HNRNPC: variants seen among roughly 807,000 people sequenced by gnomAD.
HNRNPC encodes heterogeneous nuclear ribonucleoprotein C, also known as heterogeneous nuclear ribonucleoproteins C1/C2.
In HNRNPC, 3 loss-of-function variants were observed where a neutral mutation model predicts 33.2. That is an observed-to-expected ratio of 0.09 (90% CI 0.04 to 0.23). The LOEUF (loss-of-function observed/expected upper bound fraction) is 0.23, where lower values mean the gene tolerates loss of function less well. Among genes scored for constraint, HNRNPC ranks in the 10% least tolerant of loss-of-function variants. HNRNPC has a pLI of 1.00. For synonymous variants in HNRNPC, 121 were observed against 126.7 expected (o/e 0.96, Z 0.30); for missense variants, 143 against 366.7 (o/e 0.39, Z 4.98).
At chr14:21,212,247 G>GT (rs1445587818) in intron 6 of HNRNPC, among the ~76,000 whole-genome samples, 1 of 151,992 alleles carries the variant, frequency 6.6e-6, no homozygotes, top group African/African-American at 2.4e-5. Context: ...GATCCCCAGG[G>GT]TCTTAGCCTC....
intron 1 of HNRNPC, chr14:21,265,241 TAC>T (rs1187247542): frequency 3.3e-5 from 5 of 152,296 alleles, no homozygotes; most frequent in South Asian, 2.1e-4. Context: ...GTTTATGAAA[TAC>T]AGTTATGGTG....
chr14:21,253,039 TG>T, intron 2 of HNRNPC, among the ~76,000 whole-genome samples: 1 of 149,338 alleles, frequency 6.7e-6, no homozygotes, highest in Non-Finnish European at 1.5e-5. Flanking sequence ...CCGGGCGTGG[TG>T]GAGCGTAACT....
In HNRNPC at chr14:21,239,061, T is replaced by G. The variant is rs574851735; in HGVS notation, c.-36-4832A>C. ...AGAATCGCTTGAACATGGGAGGAGG[T>G]TGCAGTGAGCCGAGATCGTGCTAAT... On this transcript the variant is annotated intron_variant, in intron 2 of 8. Coordinates refer to ENST00000553300, the MANE Select transcript of HNRNPC (RefSeq NM_004500.4). Among the ~76,000 whole-genome samples, 2 of 146,026 alleles carry G rather than the reference T, an allele frequency of 1.4e-5. 1 individual carries two copies.
chr14:21,221,858 A>T (rs1446855717), intron 5 of HNRNPC, among the ~76,000 whole-genome samples: 1 of 151,846 alleles, frequency 6.6e-6, no homozygotes, highest in Non-Finnish European at 1.5e-5. Context: ...CCATCCTGGC[A>T]AACATGGTGA....
At chr14:21,235,518 A>T (rs1421014977) in intron 2 of HNRNPC, among the ~76,000 whole-genome samples, 1 of 152,174 alleles carries the variant, frequency 6.6e-6, no homozygotes, top group African/African-American at 2.4e-5. Flanking sequence ...CTTCCTTCCA[A>T]ATCTTTCTGA....
chr14:21,230,641 T>G (rs1232362988), intron 4 of HNRNPC: 1 of 506,388 alleles, frequency 2.0e-6, no homozygotes, highest in Non-Finnish European at 3.5e-6. Context: ...AATGGTAAAC[T>G]AAGCATTCTT....
intron 5 of HNRNPC, among the ~76,000 whole-genome samples, chr14:21,226,906 G>GA (rs1893527034): frequency 1.6e-5 from 2 of 127,196 alleles, no homozygotes; most frequent in Non-Finnish European, 3.3e-5. Flanking sequence ...GGGGGGGGGG[G>GA]GACAGTGATT....
chr14:21,251,284 A>AAAG (rs1896642296), intron 2 of HNRNPC, among the ~76,000 whole-genome samples: 1 of 149,782 alleles, frequency 6.7e-6, no homozygotes, highest in Non-Finnish European at 1.5e-5. Flanking sequence ...AAAAAAAAAA[A>AAAG]GACTTCATTT....
chr14:21,248,726 T>C (rs1259334714), intron 2 of HNRNPC, among the ~76,000 whole-genome samples: 1 of 152,346 alleles, frequency 6.6e-6, no homozygotes, highest in East Asian at 1.9e-4. Context: ...ACATTTTTAA[T>C]TACAGTGTCT....
At chr14:21,223,462 A>G (rs770374681) in intron 5 of HNRNPC, among the ~76,000 whole-genome samples, 1 of 152,162 alleles carries the variant, frequency 6.6e-6, no homozygotes, top group Non-Finnish European at 1.5e-5. Flanking sequence ...GCAAAATTTA[A>G]GTCCAGCCAG....
intron 5 of HNRNPC, among the ~76,000 whole-genome samples, chr14:21,218,071 A>G (rs1205712161): frequency 6.6e-6 from 1 of 152,116 alleles, no homozygotes; most frequent in Non-Finnish European, 1.5e-5. Flanking sequence ...TTTCTTGTTT[A>G]TATGCCTCAG....
intron 2 of HNRNPC, among the ~76,000 whole-genome samples, chr14:21,256,845 G>C (rs1278725779): frequency 6.6e-6 from 1 of 152,000 alleles, no homozygotes; most frequent in African/African-American, 2.4e-5. Context: ...GAAGAGACAG[G>C]GTTTCACCAT....
chr14:21,226,023 T>C (rs1176577720), intron 5 of HNRNPC, among the ~76,000 whole-genome samples: 1 of 152,054 alleles, frequency 6.6e-6, no homozygotes, highest in Non-Finnish European at 1.5e-5. Context: ...ATTATAAGAA[T>C]AGTGCCAGGT....
chr14:21,220,957 C>T (rs186264379), intron 5 of HNRNPC, among the ~76,000 whole-genome samples: 5 of 152,130 alleles, frequency 3.3e-5, no homozygotes, highest in East Asian at 1.9e-4. Flanking sequence ...TATGGTGGCG[C>T]GCCGGTATTC....
chr14:21,268,427 C>A (rs1373083545), intron 1 of HNRNPC, among the ~76,000 whole-genome samples: 3 of 152,128 alleles, frequency 2.0e-5, no homozygotes, highest in Non-Finnish European at 4.4e-5. Flanking sequence ...TGGTTTCCGT[C>A]ATCAGGTTCT....
chr14:21,227,430 GAAC>G (rs1469612641), intron 5 of HNRNPC, among the ~76,000 whole-genome samples: 1 of 152,196 alleles, frequency 6.6e-6, no homozygotes, highest in Non-Finnish European at 1.5e-5. Flanking sequence ...GCTGACGTTA[GAAC>G]AATAGAAGAC....
intron 2 of HNRNPC, among the ~76,000 whole-genome samples, chr14:21,248,000 A>T (rs1038966801): frequency 9.1e-6 from 1 of 109,942 alleles, no homozygotes; most frequent in African/African-American, 2.6e-5. Context: ...TAAAAAAGAA[A>T]AAAAAAACCC....
At chr14:21,245,084 C>CAAAA (rs71112560) in intron 2 of HNRNPC, among the ~76,000 whole-genome samples, 4 of 54,608 alleles carry the variant, frequency 7.3e-5, no homozygotes, top group African/African-American at 2.6e-4. Context: ...GACTCCATCT[C>CAAAA]AAAAAAAAAA....
intron 2 of HNRNPC, among the ~76,000 whole-genome samples, chr14:21,255,007 G>A: frequency 6.6e-6 from 1 of 151,856 alleles, no homozygotes; most frequent in Non-Finnish European, 1.5e-5. Context: ...CAAACTTAAG[G>A]GTAATAGCAT....
Sources: gnomAD v4.1 joint callset for allele counts (sites outside exome capture counted in the v4.1 genomes callset) on GRCh38, gnomAD v4.1.1 for gene constraint, MANE v1.5 for transcripts, NCBI Gene and HGNC (gene_info 2026-07-23, HGNC 2026-07-21) for gene names.